The following HEPH variants were observed in gnomAD, a reference collection of about 807,000 sequenced individuals.
HEPH encodes hephaestin.
Under a neutral mutation model 80.8 loss-of-function variants are expected in HEPH, and 69 were observed. That is an observed-to-expected ratio of 0.85 (90% CI 0.70 to 1.04). The LOEUF is 1.04. Ranked by LOEUF, HEPH falls within the 50% of genes least tolerant of loss-of-function variation. The pLI, the probability that HEPH is intolerant of heterozygous loss-of-function variation, is 0.00. For missense variants in HEPH, 1,115 were observed against 891.3 expected, an observed-to-expected ratio of 1.25 and a Z score of -3.20; for synonymous variants, 431 against 322.8, an observed-to-expected ratio of 1.34 and a Z score of -3.60.
At chrX:66,205,342 C>G (rs1353404641) in intron 13 of HEPH, among the ~76,000 whole-genome samples, 1 of 111,559 alleles carries the variant, frequency 9.0e-6, no homozygotes, top group Non-Finnish European at 1.9e-5. Flanking sequence ...TAAGTGAGAA[C>G]TTTTTTGTTT....
intron 15 of HEPH, among the ~76,000 whole-genome samples, chrX:66,238,488 G>A (rs968592326): frequency 9.0e-6 from 1 of 111,352 alleles, no homozygotes; most frequent in Non-Finnish European, 1.9e-5. Flanking sequence ...AAGGTTGCAT[G>A]TAGCTATGAT....
chrX:66,256,067 C>T (rs2091169571), intron 16 of HEPH, 38 bp from the exon 17 acceptor site: 2 of 1,089,820 alleles, frequency 1.8e-6, no homozygotes, highest in Non-Finnish European at 2.5e-6. Flanking sequence ...GAAACAACTC[C>T]ATCTCTTTCT....
At chrX:66,233,628 C>T (rs1380240388) in intron 15 of HEPH, among the ~76,000 whole-genome samples, 1 of 110,300 alleles carries the variant, frequency 9.1e-6, no homozygotes, top group Non-Finnish European at 1.9e-5. Context: ...ATTTAAGTAA[C>T]TCAGTGAAGA....
intron 15 of HEPH, among the ~76,000 whole-genome samples, chrX:66,243,191 A>G (rs1379929482): frequency 8.9e-6 from 1 of 111,973 alleles, no homozygotes; most frequent in Non-Finnish European, 1.9e-5. Flanking sequence ...ACATAGATGG[A>G]ACTGGAGGCC....
At chrX:66,256,573 C>T (rs2091190903) in intron 17 of HEPH, among the ~76,000 whole-genome samples, 1 of 111,648 alleles carries the variant, frequency 9.0e-6, no homozygotes, top group South Asian at 3.8e-4. Flanking sequence ...CTGTAAATTG[C>T]CATGGCGATA....
intron 8 of HEPH, among the ~76,000 whole-genome samples, chrX:66,194,850 A>T (rs2088000241): frequency 8.9e-6 from 1 of 112,198 alleles, no homozygotes; most frequent in Non-Finnish European, 1.9e-5. Flanking sequence ...ATTGGAGTTA[A>T]TAATTTTTGC....
chrX:66,248,610 G>A (rs1039778743), intron 15 of HEPH, among the ~76,000 whole-genome samples: 4 of 112,308 alleles, frequency 3.6e-5, no homozygotes, highest in Non-Finnish European at 7.5e-5. Flanking sequence ...AGGTTGCTAA[G>A]ATTGATGGTA....
At chrX:66,182,074 C>G (rs1321996703) in intron 4 of HEPH, among the ~76,000 whole-genome samples, 1 of 103,330 alleles carries the variant, frequency 9.7e-6, no homozygotes, top group African/African-American at 3.5e-5. Flanking sequence ...TGTTTTGGTA[C>G]CAGTACCATG....
At chrX:66,187,143 T>A (rs1230981776) in intron 4 of HEPH, among the ~76,000 whole-genome samples, 1 of 110,625 alleles carries the variant, frequency 9.0e-6, no homozygotes, top group Non-Finnish European at 1.9e-5. Flanking sequence ...CTTCTTATTT[T>A]TTTTGTTGTT....
At chrX:66,246,452 C>G (rs1367277870) in intron 15 of HEPH, among the ~76,000 whole-genome samples, 2 of 111,309 alleles carry the variant, frequency 1.8e-5, no homozygotes, top group African/African-American at 6.5e-5. Flanking sequence ...GGCACCATGA[C>G]TTTAGTCTTT....
chrX:66,190,289 G>A (rs183470370), intron 6 of HEPH, among the ~76,000 whole-genome samples: 1 of 111,065 alleles, frequency 9.0e-6, no homozygotes, highest in African/African-American at 3.3e-5. Flanking sequence ...AGGGAGTGAA[G>A]GAGAGATTAA....
At chrX:66,246,057 G>T (rs1399219340) in intron 15 of HEPH, among the ~76,000 whole-genome samples, 2 of 112,024 alleles carry the variant, frequency 1.8e-5, no homozygotes, top group Admixed American at 9.4e-5. Flanking sequence ...GGAACATGGG[G>T]TTGTGCCTGC....
chrX:66,206,714 C>G (rs1050876445), intron 13 of HEPH, among the ~76,000 whole-genome samples: 1 of 109,713 alleles, frequency 9.1e-6, no homozygotes, highest in Admixed American at 9.8e-5. Flanking sequence ...GGTGAGAAGT[C>G]TGACATTAGA....
chrX:66,208,117 C>A lies in HEPH; in HGVS notation c.2434C>A (p.Pro812Thr). The A allele has an allele frequency of 8.5e-7, 1 of 1,182,109 alleles. No homozygotes were observed. ...GPEEHLGILGPLIKGEVGDIL... is the reference protein window; with the variant it reads ...GPEEHLGILGTLIKGEVGDIL... ...TTAATTATTTTTGTTTACATTAGGT[C>A]CACTTATCAAAGGTGAAGTTGGTGA... The change falls in exon 15 of 21, where the codon CCA becomes ACA. Residue 812 changes from proline to threonine, a missense_variant and splice_region_variant. By Grantham distance (38) the Pro-to-Thr change is conservative (BLOSUM62 -1). Transcript: ENST00000343002.
intron 9 of HEPH, among the ~76,000 whole-genome samples, chrX:66,195,457 A>G (rs2088036087): frequency 9.0e-6 from 1 of 111,644 alleles, no homozygotes; most frequent in African/African-American, 3.2e-5. Context: ...AAATAAGTTT[A>G]TTATAGAACT....
At chrX:66,262,843 G>T (rs759385968) in intron 19 of HEPH, among the ~76,000 whole-genome samples, 1 of 111,815 alleles carries the variant, frequency 8.9e-6, no homozygotes, top group African/African-American at 3.2e-5. Flanking sequence ...AAGTGTATTA[G>T]AGCACTGAAA....
chrX:66,253,598 A>G (rs1170980178), intron 15 of HEPH, among the ~76,000 whole-genome samples: 1 of 112,021 alleles, frequency 8.9e-6, no homozygotes, highest in Non-Finnish European at 1.9e-5. Context: ...CATACAACTC[A>G]GGAATAAATG....
chrX:66,235,022 T>C (rs991596089), intron 15 of HEPH, among the ~76,000 whole-genome samples: 5 of 111,020 alleles, frequency 4.5e-5, no homozygotes, highest in African/African-American at 1.6e-4. Context: ...TCTGTTCATG[T>C]CCTTTGCCCA....
Position 66,232,392 on chromosome X carries a change from C to G in HEPH, c.2564-22643C>G, listed in dbSNP as rs2090186397. 5.4e-5 allele frequency among the ~76,000 whole-genome samples: 6 copies of G among 111,608 alleles called. No individual in the cohort carries two copies. In the South Asian group the frequency reaches 2.3e-3, roughly 42 times the overall value. On this transcript the variant is annotated intron_variant, in intron 15 of 20. Transcript: ENST00000343002. The stretch of plus-strand genomic sequence containing the variant: ...ATACTGCAGAAGGCATACAGCTTCT[C>G]CTGTATTTAGTTTTCTCTTAATAGA...
Sources: gnomAD v4.1 joint callset for allele counts (sites outside exome capture counted in the v4.1 genomes callset) on GRCh38, gnomAD v4.1.1 for gene constraint, MANE v1.5 for transcripts, NCBI Gene and HGNC (gene_info 2026-07-23, HGNC 2026-07-21) for gene names.